IGFN1: variants seen among roughly 807,000 people sequenced by gnomAD.
IGFN1 encodes the protein immunoglobulin like and fibronectin type III domain containing 1.
A neutral mutation model predicts 289.5 loss-of-function variants in IGFN1; 253 were observed. That is an observed-to-expected ratio of 0.87 (90% CI 0.79 to 0.97). The LOEUF is 0.97. Among genes scored for constraint, IGFN1 ranks in the 50% least tolerant of loss-of-function variants. The pLI, the probability that IGFN1 is intolerant of heterozygous loss-of-function variation, is 0.00. For synonymous variants in IGFN1, 1,706 were observed against 1,788.5 expected (o/e 0.95, Z 1.16); for missense variants, 4,470 against 4,686.1 (o/e 0.95, Z 1.35).
intron 5 of IGFN1, among the ~76,000 whole-genome samples, chr1:201,197,816 C>A (rs1411039117): frequency 6.6e-6 from 1 of 152,136 alleles, no homozygotes; most frequent in African/African-American, 2.4e-5. Flanking sequence ...CTTGAGGAAG[C>A]AGGTCTAGTC....
Position 201,215,090 on chromosome 1 carries a change from C to G in IGFN1, c.8931C>G (p.Thr2977=), listed in dbSNP as rs758304671. 1 of 1,614,038 alleles carries G rather than the reference C, an allele frequency of 6.2e-7. No homozygotes were observed. The highest frequency in any genetic ancestry group is 1.1e-5 in the South Asian group (1 of 91,074). ...HSLFITHVQG[T]QAGRYTFVAG... is the part of the protein sequence containing the mutation. ...TCTTCATCACGCATGTGCAGGGGAC[C>G]CAAGCTGGGAGGTACACCTTTGTAG... The change falls in exon 14 of 24, where the codon ACC becomes ACG. Residue 2977 remains threonine (T), a synonymous_variant. Transcript: ENST00000335211.
chr1:201,225,693 T>C, intron 21 of IGFN1, 131 bp from the exon 22 acceptor site: 1 of 722,396 alleles, frequency 1.4e-6, no homozygotes, highest in Non-Finnish European at 2.2e-6. Flanking sequence ...CCAAGCTTAC[T>C]CTGGGTCCAG....
At chr1:201,197,415 A>C in intron 5 of IGFN1, 98 bp downstream of exon 5, 1 of 743,314 alleles carries the variant, frequency 1.3e-6, no homozygotes, top group Middle Eastern at 2.6e-4. Flanking sequence ...AGGGGAGGGA[A>C]GGGAGGCCCA....
chr1:201,212,140 A>G lies in IGFN1; in HGVS notation c.7247A>G (p.Asp2416Gly). 6.5e-7 allele frequency: 1 copy of G among 1,536,306 alleles called. No homozygotes were observed. Among genetic ancestry groups the G allele is most frequent in the Non-Finnish European group, 8.7e-7 (1 of 1,146,738 alleles). The change falls in exon 12 of 24, where the codon GAT (aspartate) becomes GGT (glycine). Residue 2416 changes from aspartate to glycine, a missense_variant. Around this residue, in one of 8 missense-constraint regions of IGFN1, gnomAD observed 2,218 missense variants for 2,114.1 expected, o/e 1.05. Transcript: ENST00000335211. ...CGAGCCAGGGAAACCAGGCTTGTGGATGGGGCAGGACCTGGGGTGGAACCT... is the reference window on the plus strand; with the variant it reads ...CGAGCCAGGGAAACCAGGCTTGTGGGTGGGGCAGGACCTGGGGTGGAACCT... ...PERARETRLV[D>G]GAGPGVEPGM...
At position 201,228,751 on chromosome 1, in the gene IGFN1, A is replaced by G; in HGVS notation, c.*352A>G. 2 of 304,386 alleles carry G rather than the reference A, an allele frequency of 6.6e-6. No homozygotes were observed. The highest frequency in any genetic ancestry group is 1.3e-5 in the Non-Finnish European group (2 of 159,862). The allele number at this position is 304,386 out of a possible 1,614,324, so 18.9% of individuals were successfully genotyped here. On this transcript the variant is annotated 3_prime_UTR_variant, in exon 24 of 24. Coordinates refer to ENST00000335211, the MANE Select transcript of IGFN1 (RefSeq NM_001164586.2). Reference sequence around the variant, plus strand: ...TATTTTCCTGGGCTGAGCCGTTTGGAGGGAGGGTGGGCACAGCTGGGCCTG... The same window carrying G: ...TATTTTCCTGGGCTGAGCCGTTTGGGGGGAGGGTGGGCACAGCTGGGCCTG...
intron 18 of IGFN1, among the ~76,000 whole-genome samples, chr1:201,219,239 A>G (rs1653550218): frequency 6.6e-6 from 1 of 152,224 alleles, no homozygotes; most frequent in Admixed American, 6.5e-5. Context: ...TCAATTCTCT[A>G]TCCAATGAAT....
At position 201,213,099 on chromosome 1, in the gene IGFN1, G is replaced by T; in HGVS notation, c.8206G>T (p.Gly2736Ter). 6.4e-7 allele frequency: 1 copy of T among 1,551,662 alleles called. No individual in the cohort carries two copies. The highest frequency in any genetic ancestry group is 8.7e-7 in the Non-Finnish European group (1 of 1,146,976). The part of the protein sequence containing the change: ...TPKPGESGPQ[G>*]AWNGLDGPFG... ...AAAACCTGGGGAGTCCGGACCTCAG[G>T]GAGCCTGGAATGGCTTAGATGGTCC... The change falls in exon 12 of 24, where the codon GGA becomes TGA. Residue 2736 changes from glycine (G) to a stop codon, truncating the protein, a stop_gained. Transcript: ENST00000335211. LOFTEE classifies it high-confidence loss of function.
Position 201,214,333 on chromosome 1 carries a change from A to G in IGFN1, c.8853+32A>G, listed in dbSNP as rs774222419. The G allele has an allele frequency of 7.0e-6, 11 of 1,580,630 alleles. No individual in the cohort carries two copies. In the South Asian group the frequency reaches 1.3e-4, roughly 18 times the overall value. On this transcript the variant is annotated intron_variant, in intron 13 of 23. Transcript: ENST00000335211. ...CCTCCCCTCACACCTTCTCTTTACC[A>G]GTGGGAGGGACAGAGGTAAAGCAGA... is the stretch of plus-strand genomic sequence containing the variant.
At chr1:201,217,939 T>C (rs900924184) in intron 17 of IGFN1, among the ~76,000 whole-genome samples, 1 of 152,170 alleles carries the variant, frequency 6.6e-6, no homozygotes, top group African/African-American at 2.4e-5. Flanking sequence ...CCCCACTAAG[T>C]AGTTTCCAAA....
In IGFN1 at chr1:201,206,960, C is replaced by T; in HGVS notation, c.2067C>T (p.Gly689=). The T allele has an allele frequency of 6.5e-7, 1 of 1,536,136 alleles. No homozygotes were observed. Among genetic ancestry groups the T allele is most frequent in the Non-Finnish European group, 8.7e-7 (1 of 1,146,420 alleles). The change falls in exon 12 of 24, where the codon GGC becomes GGT. Residue 689 remains glycine (G), a synonymous_variant. Transcript: ENST00000335211. The stretch of plus-strand genomic sequence containing the variant: ...GAAGAGGTTCTGGCTCCAAGGTGGG[C>T]ATGGCCCCTGAATCCTGGGGTTCTC... ...TGGRGSGSKV[G]MAPESWGSQG...
At chr1:201,220,538 C>T (rs1653663864) in intron 18 of IGFN1, among the ~76,000 whole-genome samples, 1 of 152,228 alleles carries the variant, frequency 6.6e-6, no homozygotes, top group South Asian at 2.1e-4. Flanking sequence ...TAAGCAGTGT[C>T]TAACAGTAGC....
At chr1:201,199,040 G>A (rs6686078) in intron 5 of IGFN1, among the ~76,000 whole-genome samples, 37,190 of 152,126 alleles carry the variant, frequency 0.24, 6,095 homozygotes, top group Non-Finnish European at 0.37. Flanking sequence ...TCTGCTTCAC[G>A]CATTTATGCC....
In IGFN1 at chr1:201,213,555, G is replaced by A. The variant is rs986113861; in HGVS notation, c.8662G>A (p.Asp2888Asn). The change falls in exon 12 of 24, where the codon GAT becomes AAT. Residue 2888 changes from aspartate (D) to asparagine (N), a missense_variant. Physicochemically the swap from Asp to Asn is conservative, Grantham distance 23 (BLOSUM62 1). Transcript: ENST00000335211. ...GRLDIYGERR[D>N]ATRSSTSRYK... ...GTTGGACATCTATGGAGAGAGGAGA[G>A]ATGCTACCCGGAGTTCCACATCCAG... 1.3e-5 allele frequency: 21 copies of A among 1,613,860 alleles called. No homozygotes were observed. The highest frequency in any genetic ancestry group is 1.5e-5 in the Non-Finnish European group (18 of 1,179,946).
At chr1:201,224,588 C>T (rs1653956670) in intron 20 of IGFN1, 91 bp from the exon 21 acceptor site, 1 of 1,042,084 alleles carries the variant, frequency 9.6e-7, no homozygotes, top group Non-Finnish European at 1.4e-6. Context: ...ACTCTTCTCA[C>T]CGCTTCTACC....
At chr1:201,196,022 T>G in intron 4 of IGFN1, 44 bp downstream of exon 4, 1 of 1,540,654 alleles carries the variant, frequency 6.5e-7, no homozygotes, top group Non-Finnish European at 8.8e-7. Flanking sequence ...TACTCGTCTT[T>G]TCCCATCCCC....
chr1:201,222,538 C>T (rs1653798642), intron 19 of IGFN1: 1 of 471,934 alleles, frequency 2.1e-6, no homozygotes, highest in Non-Finnish European at 3.8e-6. Flanking sequence ...CCGCTAGCAT[C>T]TCCCCATCAG....
At chr1:201,200,804 G>C (rs981672448) in intron 8 of IGFN1, among the ~76,000 whole-genome samples, 3 of 151,366 alleles carry the variant, frequency 2.0e-5, no homozygotes, top group South Asian at 2.1e-4. Flanking sequence ...ACCAGATTGC[G>C]GGGGGGAGGT....
chr1:201,193,646 T>G (rs1436135938), intron 2 of IGFN1, among the ~76,000 whole-genome samples: 1 of 152,216 alleles, frequency 6.6e-6, no homozygotes, highest in African/African-American at 2.4e-5. Flanking sequence ...AAGGTGGGGT[T>G]TCACCATGTT....
chr1:201,206,326 C>T lies in IGFN1; in HGVS notation c.1433C>T (p.Thr478Ile). 3.9e-6 allele frequency: 6 copies of T among 1,550,342 alleles called. No homozygotes were observed. Among genetic ancestry groups the T allele is most frequent in the Middle Eastern group, 1.7e-4 (1 of 5,992 alleles). ...HGYSLMGDKG[T>I]ADSAWGPGQE... is the part of the protein sequence containing the mutation. ...TACTCCTTGATGGGGGACAAAGGGACAGCTGACTCAGCCTGGGGCCCTGGA... is the reference window on the plus strand; with the variant it reads ...TACTCCTTGATGGGGGACAAAGGGATAGCTGACTCAGCCTGGGGCCCTGGA... The change falls in exon 12 of 24, where the codon ACA becomes ATA. Residue 478 changes from threonine (T) to isoleucine (I), a missense_variant. Thr to Ile is a moderately conservative substitution (Grantham distance 89). This residue lies in a region of IGFN1 where 2,011 missense variants were observed against 1,953.4 expected (regional missense o/e 1.03). Coordinates refer to ENST00000335211, the MANE Select transcript of IGFN1 (RefSeq NM_001164586.2).
Sources: gnomAD v4.1 joint callset for allele counts (sites outside exome capture counted in the v4.1 genomes callset) on GRCh38, gnomAD v4.1.1 for gene constraint, gnomAD v4.1.1 regional missense constraint, MANE v1.5 for transcripts, NCBI Gene and HGNC (gene_info 2026-07-23, HGNC 2026-07-21) for gene names.